ZNF282: variants seen among roughly 807,000 people sequenced by gnomAD.
The protein encoded by ZNF282 is HTLV-I U5 repressive element-binding protein 1.
ZNF282 carries 30 observed loss-of-function variants against 61.9 expected under a neutral mutation model. That is an observed-to-expected ratio of 0.48 (90% CI 0.36 to 0.66). The LOEUF is 0.66. ZNF282 is among the 30% of genes least tolerant of loss of function. The pLI, the probability that ZNF282 is intolerant of heterozygous loss-of-function variation, is 0.00. For synonymous variants in ZNF282, 396 were observed against 405.0 expected, an observed-to-expected ratio of 0.98 and a Z score of 0.27; for missense variants, 788 against 941.4, an observed-to-expected ratio of 0.84 and a Z score of 2.13.
In ZNF282 at chr7:149,206,838, C is replaced by T. The variant is rs757633342; in HGVS notation, c.712+16C>T. 2 of 1,613,702 alleles carry T rather than the reference C, an allele frequency of 1.2e-6. No individual in the cohort carries two copies. Among genetic ancestry groups the T allele is most frequent in the Admixed American group, 3.3e-5 (2 of 60,022 alleles). On this transcript the variant is annotated intron_variant, in intron 3 of 7. Transcript: ENST00000610704. ...ATGTCCCTGGGTAAGGACACCTTCT[C>T]TCCTCTTTGGTGAGCCATCTCTGCA...
At chr7:149,211,629 A>C (rs1796087482) in intron 5 of ZNF282, among the ~76,000 whole-genome samples, 1 of 152,210 alleles carries the variant, frequency 6.6e-6, no homozygotes, top group African/African-American at 2.4e-5. Context: ...ATCAACAATC[A>C]TGAGACATAT....
Position 149,195,584 on chromosome 7 carries a change from C to G in ZNF282, c.-6C>G. On this transcript the variant is annotated 5_prime_UTR_variant, in exon 1 of 8. Transcript: ENST00000610704. ...GCCGACCCGAGCGGGGAACAGCACT[C>G]CCAGGATGCAGTTTGTGTCAACACG... The G allele has an allele frequency of 6.2e-7, 1 of 1,609,674 alleles. No individual in the cohort carries two copies. Among genetic ancestry groups the G allele is most frequent in the East Asian group, 2.3e-5 (1 of 44,380 alleles).
intron 7 of ZNF282, among the ~76,000 whole-genome samples, chr7:149,220,130 C>T (rs1300358115): frequency 6.6e-6 from 1 of 152,032 alleles, no homozygotes; most frequent in Non-Finnish European, 1.5e-5. Context: ...ATAAAGAAGC[C>T]GGGCACGGTG....
intron 2 of ZNF282, among the ~76,000 whole-genome samples, chr7:149,204,105 TG>T (rs1489198779): frequency 6.6e-6 from 1 of 152,082 alleles, no homozygotes; most frequent in East Asian, 1.9e-4. Flanking sequence ...GATTCCGGCA[TG>T]GCTCACTCAC....
chr7:149,216,929 G>C (rs537172926), intron 7 of ZNF282, among the ~76,000 whole-genome samples: 1 of 152,130 alleles, frequency 6.6e-6, no homozygotes, highest in Non-Finnish European at 1.5e-5. Context: ...TGTAAGACAA[G>C]AAGAAGATTC....
chr7:149,204,228 A>G (rs1313279183), intron 2 of ZNF282, among the ~76,000 whole-genome samples: 1 of 152,226 alleles, frequency 6.6e-6, no homozygotes, highest in African/African-American at 2.4e-5. Flanking sequence ...GCAGGATAAA[A>G]TTCTAGAAAG....
chr7:149,213,750 G>A lies in ZNF282; in HGVS notation c.1116G>A (p.Glu372=). ...TTTTGTCATGGATCAAGCAGGAGGA[G>A]CAGCCATACCCATGGGGACCACGCG... ...HDILSWIKQE[E]QPYPWGPRDS... Residue 372 remains glutamate, a synonymous_variant, in exon 7 of 8, where the codon GAG becomes GAA. Coordinates refer to ENST00000610704, the MANE Select transcript of ZNF282 (RefSeq NM_003575.4). 6.2e-7 allele frequency: 1 copy of A among 1,613,626 alleles called. No homozygotes were observed. Among genetic ancestry groups the A allele is most frequent in the East Asian group, 2.2e-5 (1 of 44,868 alleles).
At chr7:149,201,763 A>G (rs1795914268) in intron 2 of ZNF282, among the ~76,000 whole-genome samples, 1 of 151,752 alleles carries the variant, frequency 6.6e-6, no homozygotes, top group African/African-American at 2.4e-5. Context: ...AAAAAAACCC[A>G]AAAAACACCT....
chr7:149,209,072 A>T (rs1247150282), intron 4 of ZNF282, among the ~76,000 whole-genome samples: 2 of 150,240 alleles, frequency 1.3e-5, no homozygotes, highest in Non-Finnish European at 3.0e-5. Flanking sequence ...TAATCCCAGC[A>T]CTTTGAAAGG....
At position 149,225,257 on chromosome 7, in the gene ZNF282, C is replaced by G. The variant is rs1796350493; in HGVS notation, c.*610C>G. On this transcript the variant is annotated 3_prime_UTR_variant, in exon 8 of 8. Transcript: ENST00000610704. ...TCACACGGGAAGGGGCGCGCGCTGCCCAACCGCGCTCTCCGCCTACCTCCG... is the reference window on the plus strand; with the variant it reads ...TCACACGGGAAGGGGCGCGCGCTGCGCAACCGCGCTCTCCGCCTACCTCCG... 6.5e-6 allele frequency: 1 copy of G among 153,408 alleles called. No individual in the cohort carries two copies. The highest frequency in any genetic ancestry group is 1.5e-5 in the Non-Finnish European group (1 of 68,724). 9.5% of individuals were successfully genotyped at this position (153,408 alleles called of 1,614,324 possible).
intron 2 of ZNF282, among the ~76,000 whole-genome samples, chr7:149,205,348 G>A (rs1313421350): frequency 1.3e-5 from 2 of 152,140 alleles, no homozygotes; most frequent in African/African-American, 4.8e-5. Context: ...TGAGGCAGGA[G>A]AATCACTTGA....
At chr7:149,205,655 C>T (rs1795981809) in intron 2 of ZNF282, among the ~76,000 whole-genome samples, 1 of 152,080 alleles carries the variant, frequency 6.6e-6, no homozygotes, top group African/African-American at 2.4e-5. Flanking sequence ...GTTACAAGCA[C>T]CTGGTAAAAG....
chr7:149,210,491 A>G, intron 4 of ZNF282, 94 bp from the exon 5 acceptor site: 2 of 1,559,928 alleles, frequency 1.3e-6, no homozygotes, highest in Non-Finnish European at 1.7e-6. Context: ...GCAGAAAAAA[A>G]GACACAAAGC....
Position 149,198,996 on chromosome 7 carries a change from C to T in ZNF282, c.585+244C>T, listed in dbSNP as rs929194140. On this transcript the variant is annotated intron_variant, in intron 2 of 7. Coordinates refer to ENST00000610704, the MANE Select transcript of ZNF282 (RefSeq NM_003575.4). The surrounding 1 kb of genome is among the most constrained non-coding windows in gnomAD (Gnocchi z 4.3). Reference sequence around the variant, plus strand: ...TCTGGGAGCCTTTGCTCTCGCTGTTCCTAGACCCCTCTGAGTTGTCTGGTT... The same window carrying T: ...TCTGGGAGCCTTTGCTCTCGCTGTTTCTAGACCCCTCTGAGTTGTCTGGTT... Among the ~76,000 whole-genome samples, 11 of 152,176 alleles carry T rather than the reference C, an allele frequency of 7.2e-5. No homozygotes were observed. Among genetic ancestry groups the T allele is most frequent in the African/African-American group, 2.7e-4 (11 of 41,430 alleles).
intron 7 of ZNF282, 99 bp downstream of exon 7, chr7:149,213,913 A>ACGAG: frequency 1.0e-5 from 8 of 765,670 alleles, no homozygotes; most frequent in Non-Finnish European, 1.3e-5. Context: ...CACCCCTCGT[A>ACGAG]GGGTGATGTT....
chr7:149,195,793 G>C (rs1402411424), intron 1 of ZNF282, 39 bp downstream of exon 1: 1 of 1,441,476 alleles, frequency 6.9e-7, no homozygotes, highest in East Asian at 3.1e-5. Context: ...GCGCTGCCGT[G>C]GGGGCGGGGC....
rs1795849665 is a variant in ZNF282 at position 149,198,230 on chromosome 7, AGAC to A, written c.166-99_166-97del. On this transcript the variant is annotated intron_variant, in intron 1 of 7. Transcript: ENST00000610704. This position sits in a 1 kb window ranked among gnomAD's most constrained non-coding sequence, Gnocchi z 4.3. Reference sequence around the variant, plus strand: ...GAGTTACGGGGGCCTGGCAGAAGAAAGACGACATGTAGCATCTGATTAGTTGAC... The same window carrying A: ...GAGTTACGGGGGCCTGGCAGAAGAAAGACATGTAGCATCTGATTAGTTGAC... 3 of 1,385,992 alleles carry A rather than the reference AGAC, an allele frequency of 2.2e-6. No individual in the cohort carries two copies. In the African/African-American group the frequency reaches 4.3e-5, roughly 20 times the overall value. The allele number at this position is 1,385,992 out of a possible 1,614,324, so 85.9% of individuals were successfully genotyped here. A position where few individuals can be genotyped will look rare whatever the true frequency, so the allele number is the denominator to read the frequency against.
chr7:149,215,194 C>CTT (rs1269173207), intron 7 of ZNF282, among the ~76,000 whole-genome samples: 60 of 120,068 alleles, frequency 5.0e-4, no homozygotes, highest in Non-Finnish European at 9.0e-4. Context: ...TATTTCCTGA[C>CTT]ATTTTTTTTT....
chr7:149,224,026 G>T lies in ZNF282; in HGVS notation c.1395G>T (p.Pro465=), dbSNP rs759545294. Residue 465 remains proline, a synonymous_variant, in exon 8 of 8, where the codon CCG becomes CCT. Coordinates refer to ENST00000610704, the MANE Select transcript of ZNF282 (RefSeq NM_003575.4). Reference sequence around the variant, plus strand: ...GGGAGCGTGGCTCCGGCGAGGCGCCGCCGGGTGGGGACCGCAGCACCGGGG... The same window carrying T: ...GGGAGCGTGGCTCCGGCGAGGCGCCTCCGGGTGGGGACCGCAGCACCGGGG... ...LPGERGSGEA[P]PGGDRSTGGG... The T allele has an allele frequency of 3.1e-5, 37 of 1,207,674 alleles. No homozygotes were observed. The South Asian group carries it at 1.1e-3, about 35-fold the overall frequency. 74.8% of individuals were successfully genotyped at this position (1,207,674 alleles called of 1,614,324 possible).
Sources: gnomAD v4.1 joint callset for allele counts (sites outside exome capture counted in the v4.1 genomes callset) on GRCh38, gnomAD v4.1.1 for gene constraint, Gnocchi (gnomAD v3.1) non-coding constraint, MANE v1.5 for transcripts, NCBI Gene and HGNC (gene_info 2026-07-23, HGNC 2026-07-21) for gene names.